The following GDAP1L1 variants were observed in gnomAD, a reference collection of about 807,000 sequenced individuals.
GDAP1L1 encodes ganglioside-induced differentiation-associated protein 1-like 1.
Under a neutral mutation model 37.1 loss-of-function variants are expected in GDAP1L1, and 21 were observed. The observed-to-expected ratio is 0.57, with a 90% CI of 0.40 to 0.81. The LOEUF is 0.81. Ranked by LOEUF, GDAP1L1 falls within the 40% of genes least tolerant of loss-of-function variation. GDAP1L1 has a pLI of 0.00. For synonymous variants in GDAP1L1, 193 were observed against 209.1 expected (o/e 0.92, Z 0.67); for missense variants, 362 against 491.6 (o/e 0.74, Z 2.49).
At chr20:44,272,119 G>A (rs1429628977) in intron 5 of GDAP1L1, among the ~76,000 whole-genome samples, 3 of 152,216 alleles carry the variant, frequency 2.0e-5, no homozygotes, top group African/African-American at 7.2e-5. Context: ...GAGCCCCGGG[G>A]GGTGGAGCCA....
Position 44,268,830 on chromosome 20 carries a change from C to T in GDAP1L1, c.760+4271C>T, listed in dbSNP as rs375761097. ...AGCTGGAGCGGGTGAGGTGAGATCA[C>T]GGGCCTCAGAGCCTACATTTACAAG... On this transcript the variant is annotated intron_variant, in intron 5 of 5. Coordinates refer to ENST00000342560, the MANE Select transcript of GDAP1L1 (RefSeq NM_024034.6). Among the ~76,000 whole-genome samples the T allele has an allele frequency of 1.8e-4, 28 of 152,252 alleles. No homozygotes were observed. In the South Asian group the frequency reaches 5.4e-3, roughly 29 times the overall value.
At chr20:44,264,591 G>A in intron 5 of GDAP1L1, 32 bp downstream of exon 5, 2 of 1,600,204 alleles carry the variant, frequency 1.2e-6, no homozygotes, top group Admixed American at 3.4e-5. Context: ...GGTGGGGGCT[G>A]CAGCCCACCC....
chr20:44,273,077 A>G (rs1175864434), intron 5 of GDAP1L1, among the ~76,000 whole-genome samples: 1 of 151,992 alleles, frequency 6.6e-6, no homozygotes, highest in East Asian at 1.9e-4. Context: ...GGAAATAAGT[A>G]GCTTAATAGA....
intron 5 of GDAP1L1, among the ~76,000 whole-genome samples, chr20:44,276,456 G>T (rs1385079918): frequency 3.3e-5 from 5 of 150,096 alleles, no homozygotes; most frequent in Non-Finnish European, 7.4e-5. Flanking sequence ...AAGAAAGAAA[G>T]AAAGAAAGAA....
At chr20:44,276,692 T>G (rs2062586353) in intron 5 of GDAP1L1, among the ~76,000 whole-genome samples, 1 of 149,804 alleles carries the variant, frequency 6.7e-6, no homozygotes, top group Non-Finnish European at 1.5e-5. Context: ...TCAGTAAAGA[T>G]TTATTGAGCA....
At chr20:44,272,422 TGAG>T (rs1158401179) in intron 5 of GDAP1L1, among the ~76,000 whole-genome samples, 1 of 151,352 alleles carries the variant, frequency 6.6e-6, no homozygotes, top group Non-Finnish European at 1.5e-5. Context: ...GTGAGAAGGG[TGAG>T]AAGAGAGGAT....
chr20:44,278,334 G>A (rs2062606495), intron 5 of GDAP1L1, among the ~76,000 whole-genome samples: 1 of 152,016 alleles, frequency 6.6e-6, no homozygotes, highest in African/African-American at 2.4e-5. Context: ...AACTGTCAAA[G>A]GAGTAGTTGT....
At chr20:44,257,472 A>C (rs2073580795) in intron 2 of GDAP1L1, 127 bp downstream of exon 2, 2 of 988,964 alleles carry the variant, frequency 2.0e-6, no homozygotes, top group African/African-American at 3.3e-5. Context: ...GGCAAGGCCC[A>C]GTCTCCCCAA....
chr20:44,259,521 G>C (rs1042370416), intron 3 of GDAP1L1, among the ~76,000 whole-genome samples: 2 of 148,586 alleles, frequency 1.3e-5, no homozygotes, highest in Admixed American at 6.7e-5. Context: ...TGTGAGACAG[G>C]GTCTCCCTCT....
At chr20:44,252,473 C>A (rs923526245) in intron 1 of GDAP1L1, among the ~76,000 whole-genome samples, 1 of 152,178 alleles carries the variant, frequency 6.6e-6, no homozygotes, top group Non-Finnish European at 1.5e-5. Context: ...AATCCCGTCT[C>A]TACTAAAAAT....
At chr20:44,255,541 CA>C (rs60318296) in intron 1 of GDAP1L1, among the ~76,000 whole-genome samples, 594 of 45,670 alleles carry the variant, frequency 0.013, no homozygotes, top group Middle Eastern at 0.02. Context: ...GACTCTGTCT[CA>C]AAAAAAAAAA....
chr20:44,266,169 G>T (rs1056717204), intron 5 of GDAP1L1, among the ~76,000 whole-genome samples: 2 of 152,074 alleles, frequency 1.3e-5, no homozygotes, highest in South Asian at 4.1e-4. Flanking sequence ...CTAGCTGGGC[G>T]GGGTGCTGGG....
intron 3 of GDAP1L1, among the ~76,000 whole-genome samples, chr20:44,261,111 G>T (rs2146017235): frequency 6.6e-6 from 1 of 152,302 alleles, no homozygotes; most frequent in Non-Finnish European, 1.5e-5. Context: ...ATCTTTCTCT[G>T]AGGAGGCAGA....
intron 1 of GDAP1L1, among the ~76,000 whole-genome samples, chr20:44,250,363 G>C (rs2073417224): frequency 6.6e-6 from 1 of 152,160 alleles, no homozygotes; most frequent in Non-Finnish European, 1.5e-5. Flanking sequence ...GAATATTAAT[G>C]GTGCCTCCCC....
intron 1 of GDAP1L1, among the ~76,000 whole-genome samples, chr20:44,251,960 T>A (rs2073452584): frequency 6.6e-6 from 1 of 152,088 alleles, no homozygotes; most frequent in African/African-American, 2.4e-5. Flanking sequence ...CATGTTGGAG[T>A]CGTGATGAGT....
chr20:44,280,151 G>A lies in GDAP1L1; in HGVS notation c.*851G>A, dbSNP rs935952320. On this transcript the variant is annotated 3_prime_UTR_variant, in exon 6 of 6. Transcript: ENST00000342560. ...GGTCCCCCTCCTAGCCTCTGTCCAA[G>A]CCATCTCCTTCAATATCCCCCCCTT... 4.0e-6 allele frequency: 1 copy of A among 249,122 alleles called. No individual in the cohort carries two copies. The highest frequency in any genetic ancestry group is 5.0e-5 in the Admixed American group (1 of 19,934). 15.4% of individuals were successfully genotyped at this position (249,122 alleles called of 1,614,324 possible). A position where few individuals can be genotyped will look rare whatever the true frequency, so the allele number is the denominator to read the frequency against.
chr20:44,276,410 GAA>G (rs1457237091), intron 5 of GDAP1L1, among the ~76,000 whole-genome samples: 25 of 24,912 alleles, frequency 1.0e-3, no homozygotes, highest in African/African-American at 4.1e-3. Flanking sequence ...AAAGAAAAAA[GAA>G]AAAGAAAGAA....
At chr20:44,267,607 T>C (rs1000390906) in intron 5 of GDAP1L1, among the ~76,000 whole-genome samples, 5 of 145,812 alleles carry the variant, frequency 3.4e-5, no homozygotes, top group Non-Finnish European at 6.0e-5. Flanking sequence ...CAAGACTCTG[T>C]CTCAAAGAGA....
At position 44,261,045 on chromosome 20, in the gene GDAP1L1, G is replaced by T. The variant is rs62205977; in HGVS notation, c.548-2185G>T. 7.3e-3 allele frequency among the ~76,000 whole-genome samples: 1,113 copies of T among 152,274 alleles called. 14 individuals carry two copies. Among genetic ancestry groups the T allele is most frequent in the East Asian group, 0.051 (266 of 5,180 alleles). On this transcript the variant is annotated intron_variant, in intron 3 of 5. Transcript: ENST00000342560. The stretch of plus-strand genomic sequence containing the variant: ...TCAATCTTGCCCTGAGCCATTTGAA[G>T]GTGCCTAGAAGGCACTGGGAGTCCA...
Sources: allele counts gnomAD v4.1 joint callset (sites outside exome capture counted in the v4.1 genomes callset), GRCh38; gene constraint gnomAD v4.1.1; transcripts MANE v1.5; gene names NCBI Gene and HGNC (gene_info 2026-07-23, HGNC 2026-07-21).